Variants in TTLL9 observed in about 807,000 individuals in gnomAD.
The protein encoded by TTLL9 is tubulin tyrosine ligase like 9.
TTLL9 carries 47 observed loss-of-function variants against 65.6 expected under a neutral mutation model. That is an observed-to-expected ratio of 0.72 (90% CI 0.57 to 0.91). TTLL9 has a LOEUF of 0.91. Ranked by LOEUF, TTLL9 falls within the 40% of genes least tolerant of loss-of-function variation. TTLL9 has a pLI of 0.00. For synonymous variants in TTLL9, 179 were observed against 204.8 expected (o/e 0.87, Z 1.07); for missense variants, 537 against 568.8 (o/e 0.94, Z 0.57).
rs2062990172 is a variant in TTLL9 at position 31,873,816 on chromosome 20, G to A, written c.69+2621G>A. On this transcript the variant is annotated intron_variant, in intron 2 of 14. Coordinates refer to ENST00000535842, the MANE Select transcript of TTLL9 (RefSeq NM_001008409.5). ...AGAAAGGAAGGAAGGAAGGAAGGAA[G>A]GAAGGAAGAAAGAAAGAAAGAAAGA... 7.7e-4 allele frequency among the ~76,000 whole-genome samples: 54 copies of A among 70,252 alleles called. 2 individuals carry two copies. The highest frequency in any genetic ancestry group is 2.6e-3 in the African/African-American group (49 of 18,956). 46.1% of individuals were successfully genotyped at this position (70,252 alleles called of 152,430 possible). A position where few individuals can be genotyped will look rare whatever the true frequency, so the allele number is the denominator to read the frequency against.
At chr20:31,873,068 G>C (rs1377556846) in intron 2 of TTLL9, 3 of 513,938 alleles carry the variant, frequency 5.8e-6, no homozygotes, top group African/African-American at 3.9e-5. Flanking sequence ...ACCTGGGATA[G>C]AGTGGGACCC....
In TTLL9 at chr20:31,908,578, A is replaced by G. The variant is rs769509722; in HGVS notation, c.207-13A>G. 27 of 1,407,698 alleles carry G rather than the reference A, an allele frequency of 1.9e-5. No individual in the cohort carries two copies. The East Asian group carries it at 6.3e-4, about 33-fold the overall frequency. The allele number at this position is 1,407,698 out of a possible 1,614,324, so 87.2% of individuals were successfully genotyped here. A position where few individuals can be genotyped will look rare whatever the true frequency, so the allele number is the denominator to read the frequency against. ...GACCATGACCTTTATCCCCGCCCCC[A>G]CCCCACCCCCAGCGAAGGGGAGTGG... On this transcript the variant is annotated splice_polypyrimidine_tract_variant and intron_variant, in intron 4 of 14. Coordinates refer to ENST00000535842, the MANE Select transcript of TTLL9 (RefSeq NM_001008409.5).
intron 6 of TTLL9, among the ~76,000 whole-genome samples, chr20:31,911,831 C>CAT (rs2063653734): frequency 2.1e-5 from 3 of 142,324 alleles, no homozygotes; most frequent in Middle Eastern, 3.5e-3. Flanking sequence ...TGTGTCTGTG[C>CAT]GTGTGTGTGT....
intron 2 of TTLL9, among the ~76,000 whole-genome samples, chr20:31,886,854 TCA>T (rs756750760): frequency 6.6e-6 from 1 of 152,136 alleles, no homozygotes; most frequent in Non-Finnish European, 1.5e-5. Context: ...CAGATTCTTC[TCA>T]CAGAGTGTAT....
At chr20:31,905,461 A>T (rs1163495756) in intron 4 of TTLL9, among the ~76,000 whole-genome samples, 1 of 152,086 alleles carries the variant, frequency 6.6e-6, no homozygotes, top group African/African-American at 2.4e-5. Context: ...GCCACAAGGG[A>T]GGTTTGGAGA....
Position 31,893,181 on chromosome 20 carries a change from A to G in TTLL9, c.114-5292A>G, listed in dbSNP as rs191888358. On this transcript the variant is annotated intron_variant, in intron 3 of 14. Coordinates refer to ENST00000535842, the MANE Select transcript of TTLL9 (RefSeq NM_001008409.5). ...ACTGTCATATTTTAAGTAAAGTTTT[A>G]CTGGATATAGAATTCGAGGTTGATC... Among the ~76,000 whole-genome samples, 446 of 152,116 alleles carry G rather than the reference A, an allele frequency of 2.9e-3. 2 individuals carry two copies. Among genetic ancestry groups the G allele is most frequent in the African/African-American group, 9.8e-3 (408 of 41,506 alleles).
chr20:31,874,209 A>G (rs568608564), intron 2 of TTLL9, among the ~76,000 whole-genome samples: 7 of 152,282 alleles, frequency 4.6e-5, no homozygotes, highest in East Asian at 1.9e-4. Flanking sequence ...TACAAAACCA[A>G]TAATAGGAAG....
At chr20:31,919,513 C>T (rs745454091) in intron 6 of TTLL9, among the ~76,000 whole-genome samples, 5 of 152,008 alleles carry the variant, frequency 3.3e-5, no homozygotes, top group South Asian at 4.1e-4. Flanking sequence ...CAGTATTAGC[C>T]GGAGCAAACC....
In TTLL9 at chr20:31,943,125, C is replaced by G. The variant is rs573809820; in HGVS notation, c.*104C>G. On this transcript the variant is annotated 3_prime_UTR_variant, in exon 15 of 15. Transcript: ENST00000535842. The stretch of plus-strand genomic sequence containing the variant: ...CCTCACAGCATTCGCCTCCCCACCT[C>G]CAGCCTGGCACCAGCTTTGCTGGCT... 45 of 1,096,540 alleles carry G rather than the reference C, an allele frequency of 4.1e-5. No individual in the cohort carries two copies. In the East Asian group the frequency reaches 6.2e-4, roughly 15 times the overall value. The allele number at this position is 1,096,540 out of a possible 1,614,324, so 67.9% of individuals were successfully genotyped here.
chr20:31,906,731 C>T (rs896837895), intron 4 of TTLL9, among the ~76,000 whole-genome samples: 1 of 152,054 alleles, frequency 6.6e-6, no homozygotes, highest in Non-Finnish European at 1.5e-5. Context: ...CTCACCACAA[C>T]CTCCACCCCC....
intron 10 of TTLL9, 85 bp downstream of exon 10, chr20:31,926,176 G>A (rs1239584491): frequency 1.2e-5 from 10 of 851,558 alleles, no homozygotes; most frequent in Non-Finnish European, 2.0e-5. Context: ...TCTGCTCAGA[G>A]CAGCTCACTG....
At chr20:31,917,788 G>A (rs1238870588) in intron 6 of TTLL9, among the ~76,000 whole-genome samples, 3 of 151,498 alleles carry the variant, frequency 2.0e-5, no homozygotes, top group Non-Finnish European at 4.4e-5. Context: ...AAGGTGGCTC[G>A]CCCGTCAAGA....
At chr20:31,897,774 T>C (rs1424107661) in intron 3 of TTLL9, among the ~76,000 whole-genome samples, 1 of 152,016 alleles carries the variant, frequency 6.6e-6, no homozygotes, top group African/African-American at 2.4e-5. Context: ...ACTCGGCCTT[T>C]CCTGGCATCA....
intron 3 of TTLL9, among the ~76,000 whole-genome samples, chr20:31,897,751 G>A (rs2063407465): frequency 6.6e-6 from 1 of 152,118 alleles, no homozygotes; most frequent in African/African-American, 2.4e-5. Flanking sequence ...CTCAGGGGAA[G>A]TCTGGACTCC....
chr20:31,881,341 C>G (rs190818374), intron 2 of TTLL9, among the ~76,000 whole-genome samples: 3 of 152,298 alleles, frequency 2.0e-5, no homozygotes, highest in Non-Finnish European at 4.4e-5. Flanking sequence ...ATCCCTGGTC[C>G]TCAGCAGAGC....
intron 6 of TTLL9, among the ~76,000 whole-genome samples, chr20:31,911,293 G>A (rs562451287): frequency 2.0e-5 from 3 of 152,162 alleles, no homozygotes; most frequent in Non-Finnish European, 4.4e-5. Flanking sequence ...ACATGCCACC[G>A]TAGCCTTGAA....
chr20:31,907,505 T>C (rs1382103236), intron 4 of TTLL9, among the ~76,000 whole-genome samples: 2 of 152,160 alleles, frequency 1.3e-5, no homozygotes, highest in African/African-American at 4.8e-5. Context: ...GTGGATCACC[T>C]GAGGTCAGGA....
intron 4 of TTLL9, among the ~76,000 whole-genome samples, chr20:31,907,656 G>A (rs1268697490): frequency 6.6e-6 from 1 of 151,930 alleles, no homozygotes; most frequent in Non-Finnish European, 1.5e-5. Flanking sequence ...GGGAGGAGGA[G>A]GTTGCAGTGA....
At chr20:31,874,409 CTTT>C (rs34362219) in intron 2 of TTLL9, among the ~76,000 whole-genome samples, 6 of 123,012 alleles carry the variant, frequency 4.9e-5, no homozygotes, top group African/African-American at 3.1e-5. Flanking sequence ...ATTAGCTGAT[CTTT>C]TTTTTTTTTT....
Sources: allele counts gnomAD v4.1 joint callset (sites outside exome capture counted in the v4.1 genomes callset), GRCh38; gene constraint gnomAD v4.1.1; transcripts MANE v1.5; gene names NCBI Gene and HGNC (gene_info 2026-07-23, HGNC 2026-07-21).